The following FANCA variants were observed in gnomAD, a reference collection of about 807,000 sequenced individuals.
FANCA encodes the protein Fanconi anemia group A protein.
FANCA carries 236 observed loss-of-function variants against 194.3 expected under a neutral mutation model. That is an observed-to-expected ratio of 1.21 (90% CI 1.09 to 1.35). The LOEUF is 1.35. FANCA is among the 40% of genes most tolerant of loss of function. The pLI is 0.00. For missense variants in FANCA, 2,628 were observed against 1,813.9 expected, an observed-to-expected ratio of 1.45 and a Z score of -8.15; for synonymous variants, 1,014 against 715.8, an observed-to-expected ratio of 1.42 and a Z score of -6.65.
chr16:89,771,848 A>G, intron 22 of FANCA, 34 bp from the exon 23 acceptor site: 1 of 1,612,656 alleles, frequency 6.2e-7, no homozygotes, highest in Non-Finnish European at 8.5e-7. Flanking sequence ...GGATGACAAG[A>G]ACCCCGAAAG....
chr16:89,743,630 C>T (rs1456563170), intron 36 of FANCA, among the ~76,000 whole-genome samples: 1 of 151,918 alleles, frequency 6.6e-6, no homozygotes, highest in Admixed American at 6.6e-5. Context: ...TCGAGACCAG[C>T]CTGACCAACG....
rs1336033143 is a variant in FANCA at position 89,814,563 on chromosome 16, ACAGT to A, written c.236_239del (p.Asp79ValfsTer15). ...GATTAGCATAGGCCTCAGAACTGTC[ACAGT>A]CAATCACTTTGCTGAGAGACAATTT... On this transcript the variant is annotated frameshift_variant, in exon 3 of 43. Transcript: ENST00000389301. LOFTEE classifies it high-confidence loss of function. 6.2e-7 allele frequency: 1 copy of A among 1,613,978 alleles called. No homozygotes were observed. The highest frequency in any genetic ancestry group is 1.7e-5 in the Admixed American group (1 of 60,024).
chr16:89,786,300 C>T (rs1157275074), intron 14 of FANCA, among the ~76,000 whole-genome samples: 1 of 152,198 alleles, frequency 6.6e-6, no homozygotes, highest in African/African-American at 2.4e-5. Context: ...TCTCCTGCCT[C>T]AGCCTCCTGA....
intron 37 of FANCA, among the ~76,000 whole-genome samples, chr16:89,741,425 T>A (rs1035187502): frequency 2.6e-5 from 4 of 152,240 alleles, no homozygotes; most frequent in African/African-American, 7.2e-5. Context: ...TCGATCCAGC[T>A]TTGAGCTGGT....
chr16:89,753,987 G>T (rs1437741247), intron 30 of FANCA, among the ~76,000 whole-genome samples: 1 of 152,170 alleles, frequency 6.6e-6, no homozygotes, highest in Non-Finnish European at 1.5e-5. Flanking sequence ...CTGGAAGGCG[G>T]AGGTTGCAGA....
rs1049218041 is a variant in FANCA, at chr16:89,789,291, G to C, written c.1359+2112C>G. On this transcript the variant is annotated intron_variant, in intron 14 of 42. Transcript: ENST00000389301. ...CGGCTCAGCCTCCTGTGCAGCCTCA[G>C]CTCCTCAGAAGGCCTGGGGGGGGAG... Among the ~76,000 whole-genome samples, 6 of 114,090 alleles carry C rather than the reference G, an allele frequency of 5.3e-5. No homozygotes were observed. In the South Asian group the frequency reaches 1.4e-3, roughly 27 times the overall value. 74.8% of individuals were successfully genotyped at this position (114,090 alleles called of 152,430 possible).
chr16:89,738,695 C>A lies in FANCA; in HGVS notation c.4274G>T (p.Arg1425Leu). Residue 1425 changes from arginine (R) to leucine (L), a missense_variant, in exon 43 of 43, where the codon CGT (arginine) becomes CTT (leucine). Coordinates refer to ENST00000389301, the MANE Select transcript of FANCA (RefSeq NM_000135.4). Reference protein sequence around the residue: ...FSHVAELLADRGDCDPEVSAA... With the variant: ...FSHVAELLADLGDCDPEVSAA... The stretch of plus-strand genomic sequence containing the variant: ...GCTCACCTCTGGGTCGCAGTCCCCA[C>A]GATCAGCCAGCAGCTGTGAGAGAGG... 1.2e-6 allele frequency: 2 copies of A among 1,613,960 alleles called. No homozygotes were observed. Among genetic ancestry groups the A allele is most frequent in the Non-Finnish European group, 1.7e-6 (2 of 1,180,006 alleles).
Position 89,742,889 on chromosome 16 carries a change from A to G in FANCA, c.3676T>C (p.Ser1226Pro), listed in dbSNP as rs1446837707. The G allele has an allele frequency of 1.9e-6, 3 of 1,614,060 alleles. No homozygotes were observed. In the Admixed American group the frequency reaches 5.0e-5, roughly 27 times the overall value. Residue 1226 changes from serine (S) to proline (P), a missense_variant, in exon 37 of 43, where the codon TCA becomes CCA. Physicochemically the swap from Ser to Pro is moderately conservative, Grantham distance 74. Coordinates refer to ENST00000389301, the MANE Select transcript of FANCA (RefSeq NM_000135.4). Reference sequence around the variant, plus strand: ...ATCGCAAAGTGCAGTGCAGCAGCTGAGAGCCAGTCCGGGTTGGGTGCTGGG... The same window carrying G: ...ATCGCAAAGTGCAGTGCAGCAGCTGGGAGCCAGTCCGGGTTGGGTGCTGGG... ...ASPAPNPDWL[S>P]AAALHFAIQQ...
intron 15 of FANCA, among the ~76,000 whole-genome samples, chr16:89,783,332 C>G (rs12929129): frequency 6.6e-6 from 1 of 151,242 alleles, no homozygotes; most frequent in Non-Finnish European, 1.5e-5. Context: ...GGGCAGATCA[C>G]GAGGTCAGGA....
chr16:89,795,824 T>C (rs2040226844), intron 11 of FANCA, 82 bp downstream of exon 11: 15 of 989,964 alleles, frequency 1.5e-5, no homozygotes, highest in Non-Finnish European at 2.5e-5. Context: ...TCCTGGCATC[T>C]CCAGTCAGCG....
chr16:89,764,847 A>G, intron 28 of FANCA, 43 bp downstream of exon 28: 1 of 1,605,798 alleles, frequency 6.2e-7, no homozygotes, highest in East Asian at 2.2e-5. Flanking sequence ...CAAACCCTAG[A>G]CTCAGGACGT....
intron 3 of FANCA, among the ~76,000 whole-genome samples, chr16:89,814,037 C>T (rs1434697171): frequency 2.0e-5 from 3 of 152,040 alleles, no homozygotes; most frequent in Non-Finnish European, 4.4e-5. Flanking sequence ...GTCAAGGGAG[C>T]GCTATTACTG....
chr16:89,746,657 TCTCTGCTC>T lies in FANCA; in HGVS notation c.3432_3439del (p.Ser1145ProfsTer67). 6.2e-7 allele frequency: 1 copy of T among 1,614,018 alleles called. No homozygotes were observed. The highest frequency in any genetic ancestry group is 8.5e-7 in the Non-Finnish European group (1 of 1,179,998). ...TATGAAGTCGACCATCAGGGAGGGG[TCTCTGCTC>T]CGCAGACAGGCGTTCAGGAGGCCCT... On this transcript the variant is annotated frameshift_variant, in exon 35 of 43. Transcript: ENST00000389301. LOFTEE classifies it high-confidence loss of function.
chr16:89,768,151 C>T (rs1037819822), intron 26 of FANCA, among the ~76,000 whole-genome samples: 21 of 152,126 alleles, frequency 1.4e-4, no homozygotes, highest in Non-Finnish European at 2.4e-4. Flanking sequence ...TGTGGGTGTG[C>T]ACCTGTGGTC....
intron 30 of FANCA, among the ~76,000 whole-genome samples, chr16:89,752,740 C>T (rs1484837315): frequency 6.6e-6 from 1 of 152,200 alleles, no homozygotes; most frequent in Non-Finnish European, 1.5e-5. Context: ...TTCTGTTGTG[C>T]CCGGACAGGG....
At position 89,773,267 on chromosome 16, in the gene FANCA, T is replaced by C. The variant is rs2039386072; in HGVS notation, c.2014+4A>G. ...ACACAGCATGAGCTCCCATCCATCC[T>C]CACCATCACGCTGGCTGGGGTCTGT... On this transcript the variant is annotated splice_donor_region_variant and intron_variant, in intron 22 of 42. Coordinates refer to ENST00000389301, the MANE Select transcript of FANCA (RefSeq NM_000135.4). 1.3e-6 allele frequency: 2 copies of C among 1,548,688 alleles called. No homozygotes were observed. The highest frequency in any genetic ancestry group is 1.7e-6 in the Non-Finnish European group (2 of 1,145,174).
At chr16:89,804,513 A>G (rs2040566019) in intron 7 of FANCA, among the ~76,000 whole-genome samples, 1 of 152,044 alleles carries the variant, frequency 6.6e-6, no homozygotes, top group South Asian at 2.1e-4. Flanking sequence ...GATTGGTCCA[A>G]GCCATTCTCT....
chr16:89,773,184 G>T, intron 22 of FANCA, 87 bp downstream of exon 22: 1 of 1,027,752 alleles, frequency 9.7e-7, no homozygotes, highest in Non-Finnish European at 1.5e-6. Flanking sequence ...CCAGCCTGAT[G>T]TCACTATGGG....
Position 89,798,997 on chromosome 16 carries a change from G to A in FANCA, c.893+169C>T, listed in dbSNP as rs56032743. On this transcript the variant is annotated intron_variant, in intron 10 of 42. Coordinates refer to ENST00000389301, the MANE Select transcript of FANCA (RefSeq NM_000135.4). ...GAAAAGGCTGACCAGAGCGTTCCCCGGGCTTTCCCATGGTCGCCTCCTCCT... is the reference window on the plus strand; with the variant it reads ...GAAAAGGCTGACCAGAGCGTTCCCCAGGCTTTCCCATGGTCGCCTCCTCCT... 1,998 of 1,614,104 alleles carry A rather than the reference G, an allele frequency of 1.2e-3. 2 individuals carry two copies. The highest frequency in any genetic ancestry group is 1.5e-3 in the Non-Finnish European group (1,782 of 1,180,020).
Sources: allele counts gnomAD v4.1 joint callset (sites outside exome capture counted in the v4.1 genomes callset), GRCh38; gene constraint gnomAD v4.1.1; transcripts MANE v1.5; gene names NCBI Gene and HGNC (gene_info 2026-07-23, HGNC 2026-07-21).